The following ATP6V0D2 variants were observed in gnomAD, a reference collection of about 807,000 sequenced individuals.
The protein encoded by ATP6V0D2 is ATPase H+ transporting V0 subunit d2.
In ATP6V0D2, 40 loss-of-function variants were observed where a neutral mutation model predicts 40.0. The ratio of observed to expected loss-of-function variants is 1.00; its 90% CI spans 0.78 to 1.30. The LOEUF (loss-of-function observed/expected upper bound fraction) is 1.30. ATP6V0D2 is among the 50% of genes most tolerant of loss of function. The probability of loss-of-function intolerance (pLI) is 0.00; values close to 1 mark genes in which losing one functional copy is unlikely to be tolerated. For missense variants in ATP6V0D2, 470 were observed against 423.1 expected (o/e 1.11, Z -0.97); for synonymous variants, 179 against 156.3 (o/e 1.15, Z -1.08).
At chr8:86,127,567 G>A (rs1276988217) in intron 2 of ATP6V0D2, among the ~76,000 whole-genome samples, 1 of 151,880 alleles carries the variant, frequency 6.6e-6, no homozygotes, top group African/African-American at 2.4e-5. Context: ...GGAACTACAA[G>A]CAGTCACCAC....
intron 5 of ATP6V0D2, among the ~76,000 whole-genome samples, chr8:86,148,840 G>A (rs1349107092): frequency 6.6e-6 from 1 of 151,808 alleles, no homozygotes; most frequent in African/African-American, 2.4e-5. Flanking sequence ...AGAAGGCCCA[G>A]GACAGAGGCT....
intron 2 of ATP6V0D2, among the ~76,000 whole-genome samples, chr8:86,138,634 C>T (rs1369194663): frequency 6.6e-6 from 1 of 152,190 alleles, no homozygotes; most frequent in African/African-American, 2.4e-5. Context: ...CTAGAAAATT[C>T]ACAATGTGAT....
intron 1 of ATP6V0D2, 139 bp downstream of exon 1, chr8:86,099,247 T>C: frequency 1.1e-6 from 1 of 904,158 alleles, no homozygotes; most frequent in Non-Finnish European, 1.5e-6. Flanking sequence ...GCAGTCCAGA[T>C]TTCTGGGGTC....
rs972397391 is a variant in ATP6V0D2, at chr8:86,142,758, A to G, written c.562-119A>G. 15 of 586,620 alleles carry G rather than the reference A, an allele frequency of 2.6e-5. No homozygotes were observed. The East Asian group carries it at 4.0e-4, about 16-fold the overall frequency. The allele number at this position is 586,620 out of a possible 1,614,324, so 36.3% of individuals were successfully genotyped here. On this transcript the variant is annotated intron_variant, in intron 4 of 7. Coordinates refer to ENST00000285393, the MANE Select transcript of ATP6V0D2 (RefSeq NM_152565.1). Reference sequence around the variant, plus strand: ...CAAATTTATTATAAAATATCTTCCTATGGGAGATGTAATTCAGATTCCATT... The same window carrying G: ...CAAATTTATTATAAAATATCTTCCTGTGGGAGATGTAATTCAGATTCCATT...
intron 2 of ATP6V0D2, among the ~76,000 whole-genome samples, chr8:86,125,845 A>G (rs1818734233): frequency 6.6e-6 from 1 of 151,772 alleles, no homozygotes. Flanking sequence ...TCCTTTTAAA[A>G]TGTAATCTAT....
chr8:86,113,499 C>A (rs781402676), intron 1 of ATP6V0D2, among the ~76,000 whole-genome samples: 1 of 152,100 alleles, frequency 6.6e-6, no homozygotes, highest in African/African-American at 2.4e-5. Context: ...AAGAAAAACA[C>A]ATTTTCTGGT....
At chr8:86,106,588 T>C (rs1430957972) in intron 1 of ATP6V0D2, among the ~76,000 whole-genome samples, 1 of 152,226 alleles carries the variant, frequency 6.6e-6, no homozygotes, top group Non-Finnish European at 1.5e-5. Flanking sequence ...CCTCTTCTGC[T>C]AGACTTTGGA....
intron 1 of ATP6V0D2, among the ~76,000 whole-genome samples, chr8:86,103,587 A>C (rs938245738): frequency 2.6e-5 from 4 of 152,082 alleles, no homozygotes; most frequent in African/African-American, 9.7e-5. Context: ...CCATCTAGTA[A>C]GTACTTTCTA....
At chr8:86,133,473 C>T (rs557543647) in intron 2 of ATP6V0D2, among the ~76,000 whole-genome samples, 3 of 151,700 alleles carry the variant, frequency 2.0e-5, no homozygotes, top group Non-Finnish European at 4.4e-5. Flanking sequence ...CAGGCGCCCA[C>T]CACCACACCC....
intron 2 of ATP6V0D2, among the ~76,000 whole-genome samples, chr8:86,135,816 A>G (rs932417558): frequency 6.6e-6 from 1 of 152,192 alleles, no homozygotes; most frequent in African/African-American, 2.4e-5. Context: ...CAGAGGTTTG[A>G]ACTAGGTAAA....
intron 2 of ATP6V0D2, among the ~76,000 whole-genome samples, chr8:86,134,222 C>T (rs932668615): frequency 7.9e-5 from 12 of 151,996 alleles, no homozygotes; most frequent in Admixed American, 6.6e-4. Flanking sequence ...CAGTGAAAAT[C>T]CTTCAGGAAT....
At chr8:86,132,719 T>C (rs1797112648) in intron 2 of ATP6V0D2, among the ~76,000 whole-genome samples, 1 of 152,236 alleles carries the variant, frequency 6.6e-6, no homozygotes. Flanking sequence ...TCTTTACCCA[T>C]TCATCTGTTG....
intron 2 of ATP6V0D2, among the ~76,000 whole-genome samples, chr8:86,116,392 A>G (rs888518524): frequency 1.3e-5 from 2 of 151,960 alleles, no homozygotes; most frequent in African/African-American, 2.4e-5. Context: ...TTTATTATTT[A>G]TTTCTGTTTT....
chr8:86,137,777 G>T (rs993805198), intron 2 of ATP6V0D2, among the ~76,000 whole-genome samples: 1 of 152,136 alleles, frequency 6.6e-6, no homozygotes, highest in Non-Finnish European at 1.5e-5. Context: ...GAAGCAGACT[G>T]CCTGAGTCTG....
At position 86,150,233 on chromosome 8, in the gene ATP6V0D2, T is replaced by C. The variant is rs1169422581; in HGVS notation, c.761T>C (p.Leu254Pro). The change falls in exon 6 of 8, where the codon CTG becomes CCG. Residue 254 changes from leucine (L) to proline (P), a missense_variant. Coordinates refer to ENST00000285393, the MANE Select transcript of ATP6V0D2 (RefSeq NM_152565.1). ...AAACTCTATCCTGAGGGGTTGCGGC[T>C]GTTGGCTCAAGCAGAAGACTTTGAC... ...FGKLYPEGLR[L>P]LAQAEDFDQM... 1 of 1,613,258 alleles carries C rather than the reference T, an allele frequency of 6.2e-7. No individual in the cohort carries two copies. The highest frequency in any genetic ancestry group is 8.5e-7 in the Non-Finnish European group (1 of 1,179,880).
chr8:86,118,074 T>C (rs528024790), intron 2 of ATP6V0D2, among the ~76,000 whole-genome samples: 2,375 of 118,788 alleles, frequency 0.02, 25 homozygotes, highest in Non-Finnish European at 0.033. Flanking sequence ...TCCTTCCTTC[T>C]TTCTTTCTTT....
intron 2 of ATP6V0D2, among the ~76,000 whole-genome samples, chr8:86,125,855 T>C (rs1358047501): frequency 6.6e-6 from 1 of 151,656 alleles, no homozygotes; most frequent in Non-Finnish European, 1.5e-5. Flanking sequence ...ATGTAATCTA[T>C]TATAATTTTT....
At chr8:86,145,251 GAGAGAGAA>G (rs1434628497) in intron 5 of ATP6V0D2, among the ~76,000 whole-genome samples, 7 of 39,680 alleles carry the variant, frequency 1.8e-4, no homozygotes, top group East Asian at 4.9e-4. Flanking sequence ...GAGAGAGAGA[GAGAGAGAA>G]AGAAAGAAAG....
chr8:86,149,055 G>GAAAAA (rs1376369799), intron 5 of ATP6V0D2, among the ~76,000 whole-genome samples: 41 of 110,114 alleles, frequency 3.7e-4, no homozygotes, highest in Non-Finnish European at 5.2e-4. Context: ...TCCAAAGGAA[G>GAAAAA]AAAAAAAAAA....
Sources: allele counts gnomAD v4.1 joint callset (sites outside exome capture counted in the v4.1 genomes callset), GRCh38; gene constraint gnomAD v4.1.1; transcripts MANE v1.5; gene names NCBI Gene and HGNC (gene_info 2026-07-23, HGNC 2026-07-21).